Variants in ADGRL1 observed in about 807,000 individuals in gnomAD.
ADGRL1 encodes adhesion G protein-coupled receptor L1.
In ADGRL1, 31 loss-of-function variants were observed where a neutral mutation model predicts 148.9. The observed-to-expected ratio is 0.21, with a 90% CI of 0.16 to 0.28. ADGRL1 has a LOEUF of 0.28. Among genes scored for constraint, ADGRL1 ranks in the 10% least tolerant of loss-of-function variants. ADGRL1 has a pLI of 1.00. For missense variants in ADGRL1, 1,521 were observed against 2,058.8 expected (o/e 0.74, Z 5.05); for synonymous variants, 937 against 900.3 (o/e 1.04, Z -0.73).
chr19:14,151,417 C>G lies in ADGRL1; in HGVS notation c.3866G>C (p.Arg1289Pro). The stretch of plus-strand genomic sequence containing the variant: ...GCCCTTGGCCGCGCTGCTGCTCCCC[C>G]GCAGGTTGTTGTGCACCAGCTCTGA... The part of the protein sequence containing the change: ...IISELVHNNL[R>P]GSSSAAKGPP... Residue 1289 changes from arginine to proline, a missense_variant, in exon 23 of 23, where the codon CGG becomes CCG. Physicochemically the swap from Arg to Pro is moderately radical, Grantham distance 103. Around this residue, in one of 8 missense-constraint regions of ADGRL1, gnomAD observed 390 missense variants for 375.0 expected, o/e 1.04. Transcript: ENST00000361434. 1 of 1,612,386 alleles carries G rather than the reference C, an allele frequency of 6.2e-7. No individual in the cohort carries two copies. The highest frequency in any genetic ancestry group is 8.5e-7 in the Non-Finnish European group (1 of 1,179,638).
At chr19:14,170,859 C>T (rs972506422) in intron 3 of ADGRL1, 68 bp from the exon 4 acceptor site, 1 of 794,162 alleles carries the variant, frequency 1.3e-6, no homozygotes, top group Non-Finnish European at 2.2e-6. Flanking sequence ...GGGGTGCATG[C>T]TCCAGGGTCA....
Position 14,152,723 on chromosome 19 carries a change from CCCA to C in ADGRL1, c.3423+58_3423+60del. ...ATCAGAAACCTAGGCCAAGCCACTC[CCCA>C]CCTCTCAGGCTCCAGGTTCCAACAC... is the stretch of plus-strand genomic sequence containing the variant. On this transcript the variant is annotated intron_variant, in intron 19 of 22. Coordinates refer to ENST00000361434, the MANE Select transcript of ADGRL1 (RefSeq NM_014921.5). The surrounding 1 kb of genome is among the most constrained non-coding windows in gnomAD (Gnocchi z 6.1). 6.2e-7 allele frequency: 1 copy of C among 1,603,342 alleles called. No homozygotes were observed. Among genetic ancestry groups the C allele is most frequent in the Non-Finnish European group, 8.5e-7 (1 of 1,171,996 alleles).
At position 14,177,784 on chromosome 19, in the gene ADGRL1, G is replaced by C. The variant is rs1404621419; in HGVS notation, c.71-40C>G. 5 of 1,566,890 alleles carry C rather than the reference G, an allele frequency of 3.2e-6. No individual in the cohort carries two copies. In the East Asian group the frequency reaches 6.8e-5, roughly 21 times the overall value. On this transcript the variant is annotated intron_variant, in intron 2 of 22. Coordinates refer to ENST00000361434, the MANE Select transcript of ADGRL1 (RefSeq NM_014921.5). The stretch of plus-strand genomic sequence containing the variant: ...GGGGATGGTGTCACTCCTGGGCCTG[G>C]GCCAGGAAGGGAAGACCCTACCCAC...
At chr19:14,158,087 A>G in intron 12 of ADGRL1, 35 bp from the exon 13 acceptor site, 2 of 1,609,486 alleles carry the variant, frequency 1.2e-6, no homozygotes, top group Non-Finnish European at 1.7e-6. Context: ...TCATAACTAG[A>G]GTCAGAACCG....
intron 3 of ADGRL1, among the ~76,000 whole-genome samples, chr19:14,174,970 T>C (rs1028467496): frequency 1.3e-5 from 2 of 151,384 alleles, no homozygotes; most frequent in African/African-American, 4.9e-5. Context: ...GTCATCTGAG[T>C]AGCTGGGACC....
At chr19:14,175,315 A>C (rs920272539) in intron 3 of ADGRL1, among the ~76,000 whole-genome samples, 27 of 152,060 alleles carry the variant, frequency 1.8e-4, no homozygotes, top group Admixed American at 1.6e-3. Context: ...AACCACACAC[A>C]AACCCTCATC....
At chr19:14,205,690 C>T (rs1408287896) in intron 1 of ADGRL1, among the ~76,000 whole-genome samples, 5 of 151,516 alleles carry the variant, frequency 3.3e-5, no homozygotes, top group Admixed American at 1.3e-4. Context: ...CGGGCACACT[C>T]GCGGTCCCCT....
intron 18 of ADGRL1, among the ~76,000 whole-genome samples, chr19:14,153,678 T>C (rs8112154): frequency 0.17 from 25,296 of 146,124 alleles, 2,448 homozygotes; most frequent in African/African-American, 0.27. Flanking sequence ...AGGCCAGGCA[T>C]GGTGGCTCAC....
At chr19:14,175,295 A>T (rs1970742312) in intron 3 of ADGRL1, among the ~76,000 whole-genome samples, 1 of 151,788 alleles carries the variant, frequency 6.6e-6, no homozygotes, top group Non-Finnish European at 1.5e-5. Context: ...ATACAAATAC[A>T]CTCTCAGTCA....
chr19:14,150,898 T>G lies in ADGRL1; in HGVS notation c.4385A>C (p.Gln1462Pro), dbSNP rs1968092100. 1 of 1,612,266 alleles carries G rather than the reference T, an allele frequency of 6.2e-7. No homozygotes were observed. Among genetic ancestry groups the G allele is most frequent in the Non-Finnish European group, 8.5e-7 (1 of 1,179,754 alleles). Reference sequence around the variant, plus strand: ...TCAGAGACTGGTGACCAGCTGCATCTGCCCGTCCCCATCGGGCCCTGGCCC... The same window carrying G: ...TCAGAGACTGGTGACCAGCTGCATCGGCCCGTCCCCATCGGGCCCTGGCCC... ...LEGPGPDGDG[Q>P]MQLVTSL The change falls in exon 23 of 23, where the codon CAG (glutamine) becomes CCG (proline). Residue 1462 changes from glutamine to proline, a missense_variant. Coordinates refer to ENST00000361434, the MANE Select transcript of ADGRL1 (RefSeq NM_014921.5).
chr19:14,193,770 T>A (rs915874920), intron 1 of ADGRL1, among the ~76,000 whole-genome samples: 5 of 152,158 alleles, frequency 3.3e-5, no homozygotes, highest in African/African-American at 1.2e-4. Flanking sequence ...CAGAAGACCA[T>A]GTGACCATGA....
chr19:14,160,669 G>A lies in ADGRL1; in HGVS notation c.1538C>T (p.Ala513Val), dbSNP rs1358436815. ...RGIASFQCLP[A>V]LGLWNPRGPD... The stretch of plus-strand genomic sequence containing the variant: ...GCCCCGGGGGTTCCAGAGCCCCAAG[G>A]CTGGTAGACACTGGAAGGAGGCAAT... The change falls in exon 7 of 23, where the codon GCC (alanine) becomes GTC (valine). Residue 513 changes from alanine (A) to valine (V), a missense_variant. By Grantham distance (64) the Ala-to-Val change is moderately conservative (BLOSUM62 0). Coordinates refer to ENST00000361434, the MANE Select transcript of ADGRL1 (RefSeq NM_014921.5). This position sits in a 1 kb window ranked among gnomAD's most constrained non-coding sequence, Gnocchi z 5.9. 1.2e-6 allele frequency: 2 copies of A among 1,612,822 alleles called. No homozygotes were observed. Among genetic ancestry groups the A allele is most frequent in the Non-Finnish European group, 1.7e-6 (2 of 1,179,490 alleles).
intron 1 of ADGRL1, among the ~76,000 whole-genome samples, chr19:14,187,889 C>G (rs1971684815): frequency 6.6e-6 from 1 of 152,050 alleles, no homozygotes; most frequent in African/African-American, 2.4e-5. Context: ...CAAGCGCTTT[C>G]TTTCCCACTG....
chr19:14,184,259 G>A (rs930892186), intron 1 of ADGRL1, among the ~76,000 whole-genome samples: 2 of 152,214 alleles, frequency 1.3e-5, no homozygotes, highest in South Asian at 2.1e-4. Context: ...CCTCTCTGGG[G>A]GACCTTCAGG....
intron 4 of ADGRL1, chr19:14,169,187 C>G (rs1321717796): frequency 6.6e-6 from 1 of 152,282 alleles, no homozygotes; most frequent in Non-Finnish European, 1.5e-5. Flanking sequence ...AGCCTCTGCC[C>G]TTGGGAAGTT....
chr19:14,173,868 A>C (rs1036118861), intron 3 of ADGRL1, among the ~76,000 whole-genome samples: 1 of 147,874 alleles, frequency 6.8e-6, no homozygotes, highest in African/African-American at 2.5e-5. Context: ...GACTGTTTGA[A>C]CCGGAAAGCG....
At chr19:14,181,804 T>G (rs368318729) in intron 2 of ADGRL1, among the ~76,000 whole-genome samples, 8 of 152,254 alleles carry the variant, frequency 5.3e-5, no homozygotes, top group South Asian at 2.1e-4. Context: ...AATGAGCACC[T>G]ACAGCCCCGG....
chr19:14,175,640 TCA>T (rs775175222), intron 3 of ADGRL1, among the ~76,000 whole-genome samples: 6 of 151,678 alleles, frequency 4.0e-5, no homozygotes, highest in African/African-American at 7.3e-5. Context: ...ACATGTTTAG[TCA>T]CACACATCTG....
intron 1 of ADGRL1, among the ~76,000 whole-genome samples, chr19:14,188,764 G>C (rs1235160904): frequency 6.6e-6 from 1 of 152,182 alleles, no homozygotes; most frequent in African/African-American, 2.4e-5. Flanking sequence ...GGCAGCCAGA[G>C]GCACCACCTC....
Sources: allele counts gnomAD v4.1 joint callset (sites outside exome capture counted in the v4.1 genomes callset), GRCh38; gene constraint gnomAD v4.1.1; regional missense constraint gnomAD v4.1.1; non-coding constraint Gnocchi (gnomAD v3.1); transcripts MANE v1.5; gene names NCBI Gene and HGNC (gene_info 2026-07-23, HGNC 2026-07-21).